The following ECT2L variants were observed in gnomAD, a reference collection of about 807,000 sequenced individuals.
The protein encoded by ECT2L is epithelial cell transforming 2 like.
Under a neutral mutation model 122.8 loss-of-function variants are expected in ECT2L, and 126 were observed. The observed-to-expected ratio is 1.03, with a 90% confidence interval of 0.89 to 1.19. The LOEUF (loss-of-function observed/expected upper bound fraction) is 1.19. Ranked by LOEUF, ECT2L falls within the 50% of genes most tolerant of loss-of-function variation. The pLI, the probability that ECT2L is intolerant of heterozygous loss-of-function variation, is 0.00. For synonymous variants in ECT2L, 385 were observed against 381.8 expected (o/e 1.01, Z -0.10); for missense variants, 1,012 against 1,064.1 (o/e 0.95, Z 0.68).
chr6:138,888,445 G>A (rs1226969623), intron 19 of ECT2L, among the ~76,000 whole-genome samples: 1 of 150,210 alleles, frequency 6.7e-6, no homozygotes, highest in East Asian at 2.0e-4. Context: ...CAAGTAGCTA[G>A]GACTACCGGC....
chr6:138,851,656 T>A (rs899615264), intron 9 of ECT2L, among the ~76,000 whole-genome samples: 34 of 152,236 alleles, frequency 2.2e-4, no homozygotes, highest in African/African-American at 7.9e-4. Context: ...TGCACATTTT[T>A]AAAAATTGGG....
At chr6:138,900,693 T>C (rs566587433) in intron 20 of ECT2L, among the ~76,000 whole-genome samples, 1 of 152,304 alleles carries the variant, frequency 6.6e-6, no homozygotes, top group East Asian at 1.9e-4. Flanking sequence ...GATTATCAAA[T>C]ACTTGTCCCA....
Position 138,857,910 on chromosome 6 carries a change from G to A in ECT2L, c.1198+3756G>A, listed in dbSNP as rs184405891. On this transcript the variant is annotated intron_variant, in intron 10 of 21. Coordinates refer to ENST00000541398, the MANE Select transcript of ECT2L (RefSeq NM_001077706.3). ...ACTTGACTCACAGTTCTGCAGGGCCGGGGAAGCAAACACATCCTTCTCCAC... is the reference window on the plus strand; with the variant it reads ...ACTTGACTCACAGTTCTGCAGGGCCAGGGAAGCAAACACATCCTTCTCCAC... Among the ~76,000 whole-genome samples the A allele has an allele frequency of 3.3e-3, 502 of 152,256 alleles. 1 individual carries two copies. The highest frequency in any genetic ancestry group is 0.014 in the Middle Eastern group (4 of 294).
At chr6:138,888,878 T>C in intron 19 of ECT2L, 65 bp from the exon 20 acceptor site, 1 of 665,376 alleles carries the variant, frequency 1.5e-6, no homozygotes, top group Non-Finnish European at 2.3e-6. Context: ...TATAAAATGG[T>C]TTGCAGTAGT....
At chr6:138,882,683 A>T in intron 15 of ECT2L, 41 bp from the exon 16 acceptor site, 5 of 1,605,750 alleles carry the variant, frequency 3.1e-6, no homozygotes, top group Non-Finnish European at 3.4e-6. Flanking sequence ...GTAAGTTATC[A>T]CAAGTGAATA....
chr6:138,828,279 C>G (rs1384382486), intron 4 of ECT2L, among the ~76,000 whole-genome samples: 1 of 152,142 alleles, frequency 6.6e-6, no homozygotes, highest in African/African-American at 2.4e-5. Flanking sequence ...TCTCAGGACC[C>G]AATAAGGTTC....
chr6:138,852,521 G>T (rs1299228933), intron 9 of ECT2L, among the ~76,000 whole-genome samples: 1 of 152,108 alleles, frequency 6.6e-6, no homozygotes, highest in East Asian at 1.9e-4. Context: ...CCCAGATATG[G>T]CTGGAGTAAA....
intron 3 of ECT2L, 70 bp from the exon 4 acceptor site, chr6:138,814,421 T>TA: frequency 1.0e-6 from 1 of 959,648 alleles, no homozygotes; most frequent in Non-Finnish European, 1.6e-6. Context: ...GTAGATTGTC[T>TA]AAAGATTGCT....
intron 9 of ECT2L, 27 bp downstream of exon 9, chr6:138,849,461 A>C (rs1176500558): frequency 1.3e-6 from 2 of 1,597,002 alleles, no homozygotes; most frequent in South Asian, 1.1e-5. Context: ...GCGGATGAAC[A>C]ACCATGGAAC....
chr6:138,874,373 A>G (rs1778367959), intron 13 of ECT2L, among the ~76,000 whole-genome samples: 1 of 152,222 alleles, frequency 6.6e-6, no homozygotes, highest in Admixed American at 6.5e-5. Context: ...AAAAGATAGC[A>G]TCGGAATCTA....
chr6:138,867,204 G>A (rs1282628967), intron 12 of ECT2L, among the ~76,000 whole-genome samples: 3 of 152,192 alleles, frequency 2.0e-5, no homozygotes, highest in African/African-American at 7.2e-5. Flanking sequence ...CTTTTCACAT[G>A]CTCTCTCCTT....
At chr6:138,822,014 A>G (rs1776282925) in intron 4 of ECT2L, among the ~76,000 whole-genome samples, 1 of 152,256 alleles carries the variant, frequency 6.6e-6, no homozygotes, top group Non-Finnish European at 1.5e-5. Flanking sequence ...CCAGAACCGT[A>G]AGAAGATCAG....
chr6:138,842,640 C>T (rs936642119), intron 5 of ECT2L, among the ~76,000 whole-genome samples: 33 of 151,880 alleles, frequency 2.2e-4, no homozygotes, highest in Admixed American at 5.9e-4. Flanking sequence ...GGCGTGGTGG[C>T]GGGTGCCTGT....
chr6:138,886,837 A>G lies in ECT2L; in HGVS notation c.2260-20A>G, dbSNP rs1476149910. 2 of 1,600,664 alleles carry G rather than the reference A, an allele frequency of 1.2e-6. No homozygotes were observed. The highest frequency in any genetic ancestry group is 1.7e-6 in the Non-Finnish European group (2 of 1,169,214). On this transcript the variant is annotated intron_variant, in intron 18 of 21. Transcript: ENST00000541398. Reference sequence around the variant, plus strand: ...AATGTCACAATTTTAGTTTGCCTAAAAGTACTTTTTTTCCCCTAGATGAAG... The same window carrying G: ...AATGTCACAATTTTAGTTTGCCTAAGAGTACTTTTTTTCCCCTAGATGAAG...
intron 1 of ECT2L, among the ~76,000 whole-genome samples, chr6:138,811,198 G>A (rs1165082480): frequency 1.3e-5 from 2 of 152,192 alleles, no homozygotes; most frequent in Non-Finnish European, 2.9e-5. Context: ...CTGCTGCCAT[G>A]GGAGCTGCCC....
intron 14 of ECT2L, 83 bp from the exon 15 acceptor site, chr6:138,880,874 A>AG (rs993560485): frequency 2.5e-6 from 3 of 1,214,420 alleles, no homozygotes; most frequent in South Asian, 1.3e-5. Flanking sequence ...CAAACCAGCA[A>AG]GGGGGGTCTC....
At chr6:138,855,917 C>A (rs75247295) in intron 10 of ECT2L, among the ~76,000 whole-genome samples, 1 of 151,994 alleles carries the variant, frequency 6.6e-6, no homozygotes, top group African/African-American at 2.4e-5. Flanking sequence ...AAGAATAAAG[C>A]GGGAAAAGTG....
At chr6:138,895,406 A>G (rs1779173618) in intron 20 of ECT2L, among the ~76,000 whole-genome samples, 1 of 152,174 alleles carries the variant, frequency 6.6e-6, no homozygotes, top group South Asian at 2.1e-4. Context: ...ATCTGGCTTA[A>G]GTTGCCTAAA....
rs1778475088 is a variant in ECT2L, at chr6:138,877,010, C to G, written c.1665+452C>G. Among the ~76,000 whole-genome samples, 4 of 152,170 alleles carry G rather than the reference C, an allele frequency of 2.6e-5. No individual in the cohort carries two copies. The South Asian group carries it at 8.3e-4, about 32-fold the overall frequency. On this transcript the variant is annotated intron_variant, in intron 14 of 21. Coordinates refer to ENST00000541398, the MANE Select transcript of ECT2L (RefSeq NM_001077706.3). Reference sequence around the variant, plus strand: ...CAGCCTCAGCAGGGGCCGGTCTCGTCCTGTGTAACCCACGGCATGGGCACA... The same window carrying G: ...CAGCCTCAGCAGGGGCCGGTCTCGTGCTGTGTAACCCACGGCATGGGCACA...
Sources: gnomAD v4.1 joint callset for allele counts (sites outside exome capture counted in the v4.1 genomes callset) on GRCh38, gnomAD v4.1.1 for gene constraint, MANE v1.5 for transcripts, NCBI Gene and HGNC (gene_info 2026-07-23, HGNC 2026-07-21) for gene names.